The following PRKN variants were observed in gnomAD, a reference collection of about 807,000 sequenced individuals.
PRKN encodes E3 ubiquitin-protein ligase parkin.
In PRKN, 56 loss-of-function variants were observed where a neutral mutation model predicts 59.5. The ratio of observed to expected loss-of-function variants is 0.94; its 90% CI spans 0.76 to 1.18. The LOEUF is 1.18. Ranked by LOEUF, PRKN falls within the 50% of genes most tolerant of loss-of-function variation. PRKN has a pLI of 0.00. For missense variants in PRKN, 657 were observed against 596.4 expected (o/e 1.10, Z -1.06); for synonymous variants, 250 against 222.1 (o/e 1.13, Z -1.12).
At chr6:162,470,219 G>A (rs568515283) in intron 1 of PRKN, among the ~76,000 whole-genome samples, 4 of 152,094 alleles carry the variant, frequency 2.6e-5, no homozygotes, top group Non-Finnish European at 5.9e-5. Context: ...CTATGTCCTT[G>A]ACATTTTATG....
intron 7 of PRKN, among the ~76,000 whole-genome samples, chr6:161,759,099 C>T (rs1789077996): frequency 6.6e-6 from 1 of 151,940 alleles, no homozygotes; most frequent in Admixed American, 6.6e-5. Context: ...ATAGCTTGAA[C>T]TCCAGAGGCA....
At chr6:161,980,177 C>T (rs1781206757) in intron 5 of PRKN, among the ~76,000 whole-genome samples, 1 of 152,138 alleles carries the variant, frequency 6.6e-6, no homozygotes, top group African/African-American at 2.4e-5. Context: ...TATTGAACAT[C>T]CTAAATTTTA....
At chr6:162,252,248 C>T (rs999721005) in intron 3 of PRKN, among the ~76,000 whole-genome samples, 5 of 152,168 alleles carry the variant, frequency 3.3e-5, no homozygotes, top group East Asian at 1.9e-4. Context: ...TAGCACTAAA[C>T]GATACATCAC....
intron 7 of PRKN, among the ~76,000 whole-genome samples, chr6:161,595,146 G>T (rs1384659013): frequency 6.6e-6 from 1 of 152,178 alleles, no homozygotes; most frequent in Non-Finnish European, 1.5e-5. Context: ...TTATATACTT[G>T]TTTCTATTGT....
At chr6:161,659,678 G>T (rs778125661) in intron 7 of PRKN, among the ~76,000 whole-genome samples, 2 of 152,094 alleles carry the variant, frequency 1.3e-5, no homozygotes, top group Non-Finnish European at 2.9e-5. Context: ...CGGCCCTGGA[G>T]GACATGGTCT....
At chr6:162,271,795 C>T (rs1780404226) in intron 2 of PRKN, among the ~76,000 whole-genome samples, 1 of 152,114 alleles carries the variant, frequency 6.6e-6, no homozygotes, top group Admixed American at 6.5e-5. Flanking sequence ...AGAAACTATC[C>T]TTTCAAACTG....
Position 161,442,292 on chromosome 6 carries a change from C to A in PRKN, c.1084-55415G>T, listed in dbSNP as rs1389227828. ...ACAGAGCCATTGAAGGGGCTTTCCA[C>A]CTCCTACGATAAGTAAAAACATAAA... On this transcript the variant is annotated intron_variant, in intron 9 of 11. Transcript: ENST00000366898. This position sits in a 1 kb window ranked among gnomAD's most constrained non-coding sequence, Gnocchi z 4.6. Among the ~76,000 whole-genome samples, 2 of 152,138 alleles carry A rather than the reference C, an allele frequency of 1.3e-5. No individual in the cohort carries two copies. The highest frequency in any genetic ancestry group is 4.8e-5 in the African/African-American group (2 of 41,422).
chr6:161,984,634 C>G (rs1781369638), intron 5 of PRKN, among the ~76,000 whole-genome samples: 1 of 152,148 alleles, frequency 6.6e-6, no homozygotes, highest in Admixed American at 6.5e-5. Context: ...GACTGCAAAA[C>G]AAGGATTTTC....
intron 4 of PRKN, among the ~76,000 whole-genome samples, chr6:162,196,489 T>C (rs1784502071): frequency 2.0e-5 from 3 of 152,194 alleles, no homozygotes; most frequent in African/African-American, 4.8e-5. Flanking sequence ...GGATGACTTT[T>C]GAAGAAGCAG....
rs892723857 is a variant in PRKN at position 161,579,387 on chromosome 6, T to C, written c.872-9971A>G. 6.6e-6 allele frequency among the ~76,000 whole-genome samples: 1 copy of C among 152,148 alleles called. No homozygotes were observed. The highest frequency in any genetic ancestry group is 1.5e-5 in the Non-Finnish European group (1 of 68,024). On this transcript the variant is annotated intron_variant, in intron 7 of 11. Coordinates refer to ENST00000366898, the MANE Select transcript of PRKN (RefSeq NM_004562.3). This position sits in a 1 kb window ranked among gnomAD's most constrained non-coding sequence, Gnocchi z 4.2. ...TCAGCGGGGCACCTAATTATCATGG[T>C]TAATGAGGTTTCTTTAGGAGAAAAG...
intron 7 of PRKN, among the ~76,000 whole-genome samples, chr6:161,710,117 TA>T (rs34802719): frequency 0.46 from 68,092 of 148,450 alleles, 15,771 homozygotes; most frequent in Admixed American, 0.61. Flanking sequence ...TAATTCCAAT[TA>T]AAAAAAAAAA....
At chr6:162,419,354 G>A (rs972912571) in intron 2 of PRKN, among the ~76,000 whole-genome samples, 4 of 152,188 alleles carry the variant, frequency 2.6e-5, no homozygotes, top group Non-Finnish European at 5.9e-5. Context: ...TTTATTATAA[G>A]ATGTGTGATT....
chr6:162,685,958 A>G (rs1042460190), intron 1 of PRKN, among the ~76,000 whole-genome samples: 1 of 152,142 alleles, frequency 6.6e-6, no homozygotes, highest in Non-Finnish European at 1.5e-5. Context: ...TGCATGCAAT[A>G]GAGGGTAAGC....
At chr6:162,664,201 T>C (rs968752898) in intron 1 of PRKN, among the ~76,000 whole-genome samples, 3 of 152,208 alleles carry the variant, frequency 2.0e-5, no homozygotes, top group Non-Finnish European at 4.4e-5. Flanking sequence ...GCTTCATCCA[T>C]GTCCCTGCAA....
intron 6 of PRKN, among the ~76,000 whole-genome samples, chr6:161,929,862 C>T (rs1267929063): frequency 6.6e-6 from 1 of 152,046 alleles, no homozygotes; most frequent in Non-Finnish European, 1.5e-5. Flanking sequence ...AATTATGAAG[C>T]CCAAGAATAA....
At chr6:162,446,261 A>G (rs889481657) in intron 1 of PRKN, among the ~76,000 whole-genome samples, 2 of 152,296 alleles carry the variant, frequency 1.3e-5, no homozygotes, top group African/African-American at 2.4e-5. Flanking sequence ...TCTAAATTTC[A>G]TTTTCTACTA....
intron 7 of PRKN, among the ~76,000 whole-genome samples, chr6:161,702,147 T>G (rs1235743798): frequency 6.6e-6 from 1 of 152,192 alleles, no homozygotes; most frequent in African/African-American, 2.4e-5. Flanking sequence ...TATAAATGCC[T>G]TACTGCTAGA....
intron 2 of PRKN, among the ~76,000 whole-genome samples, chr6:162,309,267 C>A (rs890785876): frequency 6.6e-6 from 1 of 152,146 alleles, no homozygotes; most frequent in Non-Finnish European, 1.5e-5. Flanking sequence ...CAGGTTCAAG[C>A]GATTCTCCTG....
intron 4 of PRKN, among the ~76,000 whole-genome samples, chr6:162,094,996 G>C (rs1027555816): frequency 6.6e-6 from 1 of 152,084 alleles, no homozygotes; most frequent in Admixed American, 6.6e-5. Context: ...TGCCAGATGG[G>C]TACATGGACA....
Sources: gnomAD v4.1 joint callset for allele counts (sites outside exome capture counted in the v4.1 genomes callset) on GRCh38, gnomAD v4.1.1 for gene constraint, Gnocchi (gnomAD v3.1) non-coding constraint, MANE v1.5 for transcripts, NCBI Gene and HGNC (gene_info 2026-07-23, HGNC 2026-07-21) for gene names.